PPP2R2C: variants seen among roughly 807,000 people sequenced by gnomAD.
PPP2R2C encodes the protein protein phosphatase 2, regulatory subunit B, gamma.
A neutral mutation model predicts 45.3 loss-of-function variants in PPP2R2C; 10 were observed. The observed-to-expected ratio is 0.22, with a 90% CI of 0.14 to 0.37. The LOEUF is 0.37. Ranked by LOEUF, PPP2R2C falls within the 10% of genes least tolerant of loss-of-function variation. The pLI is 1.00. For synonymous variants in PPP2R2C, 257 were observed against 245.4 expected (o/e 1.05, Z -0.44); for missense variants, 308 against 619.7 (o/e 0.50, Z 5.34).
At chr4:6,551,411 C>T (rs1725181020) in intron 1 of PPP2R2C, among the ~76,000 whole-genome samples, 2 of 152,186 alleles carry the variant, frequency 1.3e-5, no homozygotes. Flanking sequence ...GTAACTGAAA[C>T]TCCCAGCTGG....
At chr4:6,415,286 G>T (rs1718499254) in intron 1 of PPP2R2C, among the ~76,000 whole-genome samples, 1 of 152,226 alleles carries the variant, frequency 6.6e-6, no homozygotes, top group South Asian at 2.1e-4. Flanking sequence ...ACATCCCAAG[G>T]TCAGACCACC....
chr4:6,333,747 A>G lies in PPP2R2C; in HGVS notation c.791-16T>C. 1 of 1,613,878 alleles carries G rather than the reference A, an allele frequency of 6.2e-7. No individual in the cohort carries two copies. ...TCTTCAAAGACTGTGGAGACAGAGA[A>G]GCAATGGCCGTCACTGCGCTGCTCC... On this transcript the variant is annotated splice_polypyrimidine_tract_variant and intron_variant, in intron 6 of 8. Transcript: ENST00000382599.
At chr4:6,339,007 G>A (rs191838730) in intron 6 of PPP2R2C, among the ~76,000 whole-genome samples, 1 of 152,354 alleles carries the variant, frequency 6.6e-6, no homozygotes, top group African/African-American at 2.4e-5. Context: ...ACTACGGAGG[G>A]ATTCCTGGAG....
chr4:6,511,566 GGTGGTGATGGC>G (rs1723500584), intron 2 of PPP2R2C, among the ~76,000 whole-genome samples: 1 of 110,100 alleles, frequency 9.1e-6, no homozygotes, highest in Non-Finnish European at 1.9e-5. Flanking sequence ...TGGTGGTGGT[GGTGGTGATGGC>G]GGTGGTGGTG....
chr4:6,519,564 T>C (rs946653052), intron 2 of PPP2R2C, among the ~76,000 whole-genome samples: 1 of 152,258 alleles, frequency 6.6e-6, no homozygotes, highest in Admixed American at 6.5e-5. Flanking sequence ...TGCTGTTCCC[T>C]TGCCCATTTG....
intron 5 of PPP2R2C, among the ~76,000 whole-genome samples, chr4:6,354,055 T>C (rs2109244794): frequency 6.7e-6 from 1 of 148,612 alleles, no homozygotes; most frequent in East Asian, 2.1e-4. Context: ...CCTTCCCTTG[T>C]CCAGCCAGCC....
chr4:6,386,112 C>A (rs1057243000), intron 1 of PPP2R2C, among the ~76,000 whole-genome samples: 13 of 152,144 alleles, frequency 8.5e-5, no homozygotes, highest in African/African-American at 3.1e-4. Context: ...AGACTATAAA[C>A]CCTTGAAAAA....
chr4:6,390,456 C>G (rs1237961594), intron 1 of PPP2R2C, among the ~76,000 whole-genome samples: 1 of 152,228 alleles, frequency 6.6e-6, no homozygotes, highest in Admixed American at 6.5e-5. Flanking sequence ...GGCCCATCCC[C>G]AGGCTCCCTT....
chr4:6,510,980 CAAAAAA>C (rs752037080), intron 2 of PPP2R2C, among the ~76,000 whole-genome samples: 6 of 41,392 alleles, frequency 1.4e-4, no homozygotes, highest in African/African-American at 2.5e-4. Flanking sequence ...CCGTCTCAAA[CAAAAAA>C]AAACAAACAA....
chr4:6,384,342 A>G (rs545632490), intron 1 of PPP2R2C: 1 of 985,510 alleles, frequency 1.0e-6, no homozygotes, highest in East Asian at 1.1e-4. Context: ...ATAAGCAAAG[A>G]AACTGGGCAG....
intron 1 of PPP2R2C, among the ~76,000 whole-genome samples, chr4:6,406,082 G>A (rs1055337561): frequency 6.6e-6 from 1 of 152,112 alleles, no homozygotes; most frequent in African/African-American, 2.4e-5. Context: ...TGCTCATGTT[G>A]AGCCTCACCC....
intron 1 of PPP2R2C, among the ~76,000 whole-genome samples, chr4:6,433,478 C>T (rs1348916015): frequency 1.3e-5 from 2 of 152,182 alleles, no homozygotes; most frequent in East Asian, 1.9e-4. Flanking sequence ...GTTTTCCCAT[C>T]ATTCTGTAAG....
Position 6,344,768 on chromosome 4 carries a change from C to G in PPP2R2C, c.790+3078G>C, listed in dbSNP as rs146699181. On this transcript the variant is annotated intron_variant, in intron 6 of 8. Transcript: ENST00000382599. ...GTTTCCACTTTTCTGGTGGTCATAG[C>G]CTTATTTTGTTATCCCCTAAATCTT... 9.8e-5 allele frequency among the ~76,000 whole-genome samples: 15 copies of G among 152,302 alleles called. No homozygotes were observed. The East Asian group carries it at 2.7e-3, about 27-fold the overall frequency.
chr4:6,402,295 G>T (rs910993665), intron 1 of PPP2R2C, among the ~76,000 whole-genome samples: 1 of 152,136 alleles, frequency 6.6e-6, no homozygotes, highest in Non-Finnish European at 1.5e-5. Flanking sequence ...CTTTGCCTGC[G>T]GCTCTTCATA....
chr4:6,387,688 C>G (rs558049202), intron 1 of PPP2R2C, among the ~76,000 whole-genome samples: 1 of 152,118 alleles, frequency 6.6e-6, no homozygotes, highest in South Asian at 2.1e-4. Context: ...TGGCGGGCGC[C>G]TGTAATCCCA....
chr4:6,426,218 C>T (rs1719324705), intron 1 of PPP2R2C, among the ~76,000 whole-genome samples: 1 of 152,240 alleles, frequency 6.6e-6, no homozygotes, highest in Admixed American at 6.5e-5. Flanking sequence ...AGCCTGCCTC[C>T]ATCCTCGTCC....
intron 6 of PPP2R2C, among the ~76,000 whole-genome samples, chr4:6,334,800 C>T (rs1732713914): frequency 6.6e-6 from 1 of 152,226 alleles, no homozygotes; most frequent in Non-Finnish European, 1.5e-5. Context: ...TGCTGGCCTG[C>T]TCTGGTCTCT....
intron 2 of PPP2R2C, among the ~76,000 whole-genome samples, chr4:6,485,282 G>A (rs1335368248): frequency 6.6e-6 from 1 of 151,742 alleles, no homozygotes; most frequent in Admixed American, 6.6e-5. Context: ...TATCCTTTTT[G>A]TGTATTGTTA....
Position 6,527,014 on chromosome 4 carries a change from C to G in PPP2R2C, c.49+8257G>C, listed in dbSNP as rs554718817. Among the ~76,000 whole-genome samples the G allele has an allele frequency of 7.2e-5, 11 of 152,276 alleles. No homozygotes were observed. In the East Asian group the frequency reaches 1.9e-3, roughly 27 times the overall value. On this transcript the variant is annotated intron_variant, in intron 2 of 9. Coordinates refer to the PPP2R2C transcript ENST00000506140. ...ATCCCAAAGAGTGGGAGACGCCAAC[C>G]ACGGCTTCAATGCGGAGGAGAAGGA...
Sources: allele counts gnomAD v4.1 joint callset (sites outside exome capture counted in the v4.1 genomes callset), GRCh38; gene constraint gnomAD v4.1.1; transcripts MANE v1.5; gene names NCBI Gene and HGNC (gene_info 2026-07-23, HGNC 2026-07-21).